KLRD1: variants seen among roughly 807,000 people sequenced by gnomAD.
KLRD1 encodes the protein natural killer cells antigen CD94.
A neutral mutation model predicts 22.6 loss-of-function variants in KLRD1; 21 were observed. That is an observed-to-expected ratio of 0.93 (90% CI 0.66 to 1.34). KLRD1 has a LOEUF of 1.34. KLRD1 is among the 40% of genes most tolerant of loss of function. The probability of loss-of-function intolerance (pLI) is 0.00; values close to 1 mark genes in which losing one functional copy is unlikely to be tolerated. For synonymous variants in KLRD1, 59 were observed against 71.1 expected (o/e 0.83, Z 0.85); for missense variants, 183 against 208.6 (o/e 0.88, Z 0.76).
At chr12:10,279,203 T>C (rs1949618997) in intron 1 of KLRD1, among the ~76,000 whole-genome samples, 1 of 152,146 alleles carries the variant, frequency 6.6e-6, no homozygotes, top group Non-Finnish European at 1.5e-5. Flanking sequence ...TGTCCACATG[T>C]ATTCAATGTT....
At chr12:10,247,620 T>A (rs1949304370) in intron 1 of KLRD1, among the ~76,000 whole-genome samples, 2 of 152,184 alleles carry the variant, frequency 1.3e-5, no homozygotes, top group African/African-American at 4.8e-5. Flanking sequence ...ATAGTTTGGC[T>A]CTGTCCCAAA....
chr12:10,283,850 T>G (rs1312150719), intron 1 of KLRD1, among the ~76,000 whole-genome samples: 1 of 151,986 alleles, frequency 6.6e-6, no homozygotes, highest in Admixed American at 6.6e-5. Flanking sequence ...CCATTATATT[T>G]TGGGAGAGAT....
Position 10,323,541 on chromosome 12 carries a change from A to G in KLRD1, c.*8748A>G, listed in dbSNP as rs1950329881. On this transcript the variant is annotated 3_prime_UTR_variant, in exon 6 of 6. Coordinates refer to ENST00000336164, the MANE Select transcript of KLRD1 (RefSeq NM_002262.5). ...GCAGTATAATTGAGATACTTTAAGC[A>G]TACTTTATATGCTTAAAGTATGACA... is the stretch of plus-strand genomic sequence containing the variant. 6.6e-6 allele frequency: 1 copy of G among 152,038 alleles called. No individual in the cohort carries two copies. Among genetic ancestry groups the G allele is most frequent in the African/African-American group, 2.4e-5 (1 of 41,406 alleles). 9.4% of individuals were successfully genotyped at this position (152,038 alleles called of 1,614,324 possible).
chr12:10,282,555 C>A (rs1459855072), intron 1 of KLRD1, among the ~76,000 whole-genome samples: 3 of 152,090 alleles, frequency 2.0e-5, no homozygotes, highest in Admixed American at 2.0e-4. Context: ...CCACATCTGG[C>A]AAATAAAAAT....
At chr12:10,266,852 T>C (rs1419803681) in intron 1 of KLRD1, among the ~76,000 whole-genome samples, 1 of 124,600 alleles carries the variant, frequency 8.0e-6, no homozygotes, top group Admixed American at 1.0e-4. Flanking sequence ...TGAAATCACT[T>C]ACAGCCTTAT....
intron 1 of KLRD1, among the ~76,000 whole-genome samples, chr12:10,256,345 A>C (rs1949394668): frequency 7.0e-6 from 1 of 142,704 alleles, no homozygotes; most frequent in African/African-American, 2.6e-5. Context: ...TATATTTTCC[A>C]TTTTCCTATT....
chr12:10,270,806 C>T lies in KLRD1; in HGVS notation c.-100-37172C>T, dbSNP rs34091713. Among the ~76,000 whole-genome samples, 1,404 of 144,446 alleles carry T rather than the reference C, an allele frequency of 9.7e-3. 25 individuals carry two copies. The highest frequency in any genetic ancestry group is 0.035 in the African/African-American group (1,341 of 38,702). The allele number at this position is 144,446 out of a possible 152,430, so 94.8% of individuals were successfully genotyped here. A position where few individuals can be genotyped will look rare whatever the true frequency, so the allele number is the denominator to read the frequency against. On this transcript the variant is annotated intron_variant, in intron 1 of 5. Coordinates refer to the KLRD1 transcript ENST00000544747. ...CGTAATTTTTTTTTTTTTTTTGAGA[C>T]AGAGTCTCGCTCTGTCGCCCAGGCT... is the stretch of plus-strand genomic sequence containing the variant.
chr12:10,258,814 T>C (rs971490511), intron 1 of KLRD1, among the ~76,000 whole-genome samples: 15 of 152,170 alleles, frequency 9.9e-5, no homozygotes, highest in African/African-American at 3.6e-4. Context: ...TTCACACAAA[T>C]GCATATGGCT....
chr12:10,311,813 A>G (rs1950078590), intron 4 of KLRD1, 198 bp downstream of exon 4: 2 of 437,488 alleles, frequency 4.6e-6, no homozygotes, highest in African/African-American at 3.9e-5. Flanking sequence ...TATCATGGGA[A>G]TACAAATCAA....
chr12:10,269,896 C>T (rs1157356898), intron 1 of KLRD1, among the ~76,000 whole-genome samples: 1 of 152,080 alleles, frequency 6.6e-6, no homozygotes, highest in Admixed American at 6.6e-5. Flanking sequence ...TATGCAGATT[C>T]AGTTTGATAT....
At chr12:10,280,642 C>G (rs1416430496) in intron 1 of KLRD1, among the ~76,000 whole-genome samples, 1 of 152,134 alleles carries the variant, frequency 6.6e-6, no homozygotes, top group Non-Finnish European at 1.5e-5. Context: ...TTTCCACTTT[C>G]TCATCCCAGC....
intron 1 of KLRD1, among the ~76,000 whole-genome samples, chr12:10,250,056 T>C (rs917832604): frequency 6.6e-6 from 1 of 152,174 alleles, no homozygotes; most frequent in Non-Finnish European, 1.5e-5. Flanking sequence ...TCAGATTTCC[T>C]AGGAATTCAA....
chr12:10,271,004 G>T (rs989364450), intron 1 of KLRD1, among the ~76,000 whole-genome samples: 1 of 151,732 alleles, frequency 6.6e-6, no homozygotes, highest in Non-Finnish European at 1.5e-5. Flanking sequence ...GGCTGGTCTC[G>T]AATTCCTGAC....
chr12:10,316,422 G>C lies in KLRD1; in HGVS notation c.*1629G>C, dbSNP rs1475770587. On this transcript the variant is annotated 3_prime_UTR_variant, in exon 6 of 6. Coordinates refer to ENST00000336164, the MANE Select transcript of KLRD1 (RefSeq NM_002262.5). ...TTACTTTTATTATTTTTTTTTCTGA[G>C]ACACGGTTTCATTCCCATTGCCCAG... 6.6e-6 allele frequency: 1 copy of C among 151,312 alleles called. No homozygotes were observed. Among genetic ancestry groups the C allele is most frequent in the Non-Finnish European group, 1.5e-5 (1 of 67,914 alleles). 9.4% of individuals were successfully genotyped at this position (151,312 alleles called of 1,614,324 possible).
chr12:10,271,080 G>A (rs547566846), intron 1 of KLRD1, among the ~76,000 whole-genome samples: 13 of 144,550 alleles, frequency 9.0e-5, no homozygotes, highest in Non-Finnish European at 1.8e-4. Context: ...CACCGCAGCC[G>A]CCTCCACTCC....
chr12:10,299,688 G>C (rs1006510837), upstream of KLRD1, among the ~76,000 whole-genome samples: 4 of 152,090 alleles, frequency 2.6e-5, no homozygotes, highest in African/African-American at 9.7e-5. Context: ...TGAAGGCTAG[G>C]AGGCTTTGGC....
At chr12:10,254,502 C>G (rs183931414) in intron 1 of KLRD1, among the ~76,000 whole-genome samples, 82 of 149,224 alleles carry the variant, frequency 5.5e-4, no homozygotes, top group Admixed American at 2.5e-3. Flanking sequence ...AAAATATTTG[C>G]AAACTATGCA....
At chr12:10,254,646 T>C (rs1949377429) in intron 1 of KLRD1, among the ~76,000 whole-genome samples, 1 of 152,066 alleles carries the variant, frequency 6.6e-6, no homozygotes, top group Non-Finnish European at 1.5e-5. Context: ...CCCAGCACTT[T>C]GAGAGACTGA....
At position 10,239,450 on chromosome 12, in the gene KLRD1, C is replaced by T. The variant is rs1230844344; in HGVS notation, c.-101+13217C>T. On this transcript the variant is annotated intron_variant, in intron 1 of 5. Transcript: ENST00000544747. ...CTTCCTTCCTTTCCTTCCTTCCTTC[C>T]TTCCTTCCTTCCTTCCTTCCTTCCT... is the stretch of plus-strand genomic sequence containing the variant. Among the ~76,000 whole-genome samples, 5 of 37,586 alleles carry T rather than the reference C, an allele frequency of 1.3e-4. 1 individual carries two copies. The highest frequency in any genetic ancestry group is 1.7e-3 in the East Asian group (2 of 1,148). The allele number at this position is 37,586 out of a possible 152,430, so 24.7% of individuals were successfully genotyped here.
Sources: gnomAD v4.1 joint callset for allele counts (sites outside exome capture counted in the v4.1 genomes callset) on GRCh38, gnomAD v4.1.1 for gene constraint, MANE v1.5 for transcripts, NCBI Gene and HGNC (gene_info 2026-07-23, HGNC 2026-07-21) for gene names.